Variants in ELMO1 observed in about 807,000 individuals in gnomAD.
The protein encoded by ELMO1 is engulfment and cell motility protein 1.
In ELMO1, 26 loss-of-function variants were observed where a neutral mutation model predicts 98.9. The ratio of observed to expected loss-of-function variants is 0.26; its 90% CI spans 0.19 to 0.36. The LOEUF (loss-of-function observed/expected upper bound fraction) is 0.36. ELMO1 is among the 10% of genes least tolerant of loss of function. The pLI is 1.00. For synonymous variants in ELMO1, 346 were observed against 346.0 expected (o/e 1.00, Z 0.00); for missense variants, 627 against 935.2 (o/e 0.67, Z 4.30).
intron 16 of ELMO1, among the ~76,000 whole-genome samples, chr7:36,956,839 G>GA (rs1249905089): frequency 1.3e-5 from 2 of 152,202 alleles, no homozygotes; most frequent in African/African-American, 4.8e-5. Flanking sequence ...TACAACGCCG[G>GA]AAAAAATGGC....
intron 13 of ELMO1, among the ~76,000 whole-genome samples, chr7:37,140,380 C>G (rs528756044): frequency 1.3e-5 from 2 of 150,486 alleles, no homozygotes; most frequent in South Asian, 4.2e-4. Context: ...AGTGAGACTC[C>G]GTCTCAAAAA....
chr7:36,973,225 AGG>A (rs1003055806), intron 16 of ELMO1, among the ~76,000 whole-genome samples: 16 of 152,248 alleles, frequency 1.1e-4, no homozygotes, highest in African/African-American at 3.1e-4. Flanking sequence ...TCCATCCTAC[AGG>A]TACATCAGGA....
intron 1 of ELMO1, among the ~76,000 whole-genome samples, chr7:37,403,875 A>T (rs1264179787): frequency 6.6e-6 from 1 of 152,132 alleles, no homozygotes; most frequent in Non-Finnish European, 1.5e-5. Context: ...CCCATAGAAC[A>T]TACGACACAA....
chr7:36,921,017 G>A (rs1420457105), intron 16 of ELMO1, among the ~76,000 whole-genome samples: 1 of 152,182 alleles, frequency 6.6e-6, no homozygotes, highest in Admixed American at 6.5e-5. Flanking sequence ...TAGGGTTACT[G>A]AAGTTATAAA....
intron 16 of ELMO1, among the ~76,000 whole-genome samples, chr7:36,908,713 T>C (rs1363857139): frequency 6.6e-6 from 1 of 152,232 alleles, no homozygotes; most frequent in Non-Finnish European, 1.5e-5. Context: ...TGTTGGACCT[T>C]ACCATGTATC....
intron 16 of ELMO1, among the ~76,000 whole-genome samples, chr7:36,990,793 T>C (rs994722621): frequency 2.6e-5 from 4 of 152,196 alleles, no homozygotes; most frequent in East Asian, 1.9e-4. Flanking sequence ...TTAGGCGGTA[T>C]ACATGTATTT....
chr7:37,115,173 A>C (rs1346326224), intron 14 of ELMO1, among the ~76,000 whole-genome samples: 2 of 152,232 alleles, frequency 1.3e-5, no homozygotes, highest in Admixed American at 6.5e-5. Context: ...TAACATATTT[A>C]AACAAGAAAA....
intron 16 of ELMO1, among the ~76,000 whole-genome samples, chr7:37,000,916 C>CATAT (rs746528123): frequency 6.8e-6 from 1 of 147,014 alleles, no homozygotes; most frequent in African/African-American, 2.6e-5. Flanking sequence ...GGGATATATA[C>CATAT]ATATATATAT....
At chr7:36,906,486 T>C (rs1427202319) in intron 16 of ELMO1, among the ~76,000 whole-genome samples, 1 of 152,224 alleles carries the variant, frequency 6.6e-6, no homozygotes, top group East Asian at 1.9e-4. Context: ...TGATGCCTGG[T>C]ATTATGTTAG....
intron 7 of ELMO1, among the ~76,000 whole-genome samples, chr7:37,237,341 G>A (rs1584854604): frequency 1.3e-5 from 2 of 152,232 alleles, no homozygotes; most frequent in South Asian, 4.2e-4. Flanking sequence ...CCAGGCTGGA[G>A]TGCAGTAGCG....
chr7:37,064,566 C>G (rs1008303358), intron 15 of ELMO1, among the ~76,000 whole-genome samples: 2 of 152,192 alleles, frequency 1.3e-5, no homozygotes, highest in Non-Finnish European at 2.9e-5. Flanking sequence ...GGAAATAATA[C>G]GGGCAAAGCC....
chr7:37,220,187 C>T (rs560146165), intron 10 of ELMO1, among the ~76,000 whole-genome samples: 1 of 152,326 alleles, frequency 6.6e-6, no homozygotes, highest in East Asian at 1.9e-4. Flanking sequence ...TTAGAGCTAT[C>T]TCGCTACTCA....
chr7:37,448,930 C>G (rs1344481630), upstream of ELMO1: 1 of 152,556 alleles, frequency 6.6e-6, no homozygotes, highest in East Asian at 1.9e-4. Flanking sequence ...CTCCTGCTGG[C>G]CAGAGACACA....
intron 16 of ELMO1, among the ~76,000 whole-genome samples, chr7:37,005,692 CAAAAAAAAAAAAA>C (rs71553094): frequency 4.8e-4 from 18 of 37,512 alleles, no homozygotes; most frequent in South Asian, 1.5e-3. Context: ...GACTCTGTCT[CAAAAAAAAAAAAA>C]AAAAAAAAAA....
chr7:37,139,763 A>T (rs985398618), intron 13 of ELMO1, among the ~76,000 whole-genome samples: 2 of 152,326 alleles, frequency 1.3e-5, no homozygotes, highest in African/African-American at 4.8e-5. Context: ...AGCCAATGCA[A>T]GACTAAACAA....
intron 13 of ELMO1, among the ~76,000 whole-genome samples, chr7:37,155,758 A>T (rs1438305784): frequency 1.3e-5 from 2 of 152,206 alleles, no homozygotes; most frequent in Admixed American, 6.5e-5. Flanking sequence ...AATATTAGAC[A>T]GATCAACGAG....
At chr7:37,101,111 C>T (rs1784617014) in intron 14 of ELMO1, among the ~76,000 whole-genome samples, 1 of 152,200 alleles carries the variant, frequency 6.6e-6, no homozygotes. Context: ...ATCATGACTG[C>T]AGTGAGACTG....
At chr7:37,396,529 T>C (rs1330725837) in intron 1 of ELMO1, among the ~76,000 whole-genome samples, 2 of 152,232 alleles carry the variant, frequency 1.3e-5, no homozygotes, top group Admixed American at 6.5e-5. Context: ...AAAATGGCAA[T>C]TTGGGGGCTA....
intron 5 of ELMO1, among the ~76,000 whole-genome samples, chr7:37,267,475 A>G (rs1220861468): frequency 6.6e-6 from 1 of 152,224 alleles, no homozygotes; most frequent in African/African-American, 2.4e-5. Context: ...TTCATCCTGC[A>G]GTGCTTTTGT....
Sources: allele counts gnomAD v4.1 joint callset (sites outside exome capture counted in the v4.1 genomes callset), GRCh38; gene constraint gnomAD v4.1.1; transcripts MANE v1.5; gene names NCBI Gene and HGNC (gene_info 2026-07-23, HGNC 2026-07-21).